The following LANCL3 variants were observed in gnomAD, a reference collection of about 807,000 sequenced individuals.
LANCL3 encodes LanC like family member 3.
A neutral mutation model predicts 26.5 loss-of-function variants in LANCL3; 19 were observed. That is an observed-to-expected ratio of 0.72 (90% confidence interval 0.50 to 1.05). The LOEUF (loss-of-function observed/expected upper bound fraction) is 1.05. LANCL3 is among the 50% of genes least tolerant of loss of function. LANCL3 has a pLI of 0.00. For missense variants in LANCL3, 318 were observed against 362.7 expected, an observed-to-expected ratio of 0.88 and a Z score of 1.00; for synonymous variants, 160 against 166.6, an observed-to-expected ratio of 0.96 and a Z score of 0.30.
intron 1 of LANCL3, among the ~76,000 whole-genome samples, chrX:37,653,851 G>C (rs1454559043): frequency 9.1e-6 from 1 of 109,992 alleles, no homozygotes; most frequent in Non-Finnish European, 1.9e-5. Context: ...ACACTTAAGA[G>C]ACAGAGAGAG....
intron 4 of LANCL3, among the ~76,000 whole-genome samples, chrX:37,667,917 T>G (rs1556434616): frequency 9.1e-6 from 1 of 110,460 alleles, no homozygotes; most frequent in Non-Finnish European, 1.9e-5. Flanking sequence ...AGGCTCTTTT[T>G]AACAGTCATC....
chrX:37,583,090 T>C (rs1319099682), intron 1 of LANCL3, among the ~76,000 whole-genome samples: 7 of 112,189 alleles, frequency 6.2e-5, no homozygotes, highest in Non-Finnish European at 1.3e-4. Context: ...TCCCCATTTC[T>C]TGTTTTTGTC....
At chrX:37,657,869 G>T (rs1556431502) in intron 2 of LANCL3, among the ~76,000 whole-genome samples, 1 of 111,442 alleles carries the variant, frequency 9.0e-6, no homozygotes, top group East Asian at 2.8e-4. Flanking sequence ...AGGGAGTCAA[G>T]AGTTCTGAGT....
chrX:37,631,215 C>G (rs1422000061), intron 1 of LANCL3, among the ~76,000 whole-genome samples: 2 of 111,861 alleles, frequency 1.8e-5, no homozygotes, highest in Non-Finnish European at 3.8e-5. Flanking sequence ...TCCATTTCTT[C>G]TAGATTTTCT....
At chrX:37,658,904 C>A (rs1461344229) in intron 2 of LANCL3, among the ~76,000 whole-genome samples, 1 of 112,540 alleles carries the variant, frequency 8.9e-6, no homozygotes, top group Admixed American at 9.4e-5. Context: ...GTGCAGTGAT[C>A]TATCCTCTGT....
chrX:37,631,251 A>T (rs1324091826), intron 1 of LANCL3, among the ~76,000 whole-genome samples: 1 of 111,727 alleles, frequency 9.0e-6, no homozygotes, highest in Non-Finnish European at 1.9e-5. Context: ...AGGTGTTTAT[A>T]GTATTCTCTG....
At chrX:37,673,123 T>C (rs913812246) in intron 4 of LANCL3, among the ~76,000 whole-genome samples, 6 of 111,687 alleles carry the variant, frequency 5.4e-5, no homozygotes, top group African/African-American at 1.9e-4. Context: ...TTTCAAATAT[T>C]TGACATAGAG....
Position 37,572,327 on chromosome X carries a change from C to A in LANCL3, c.457C>A (p.Leu153Met). Residue 153 changes from leucine to methionine, a missense_variant, in exon 1 of 5, where the codon CTG (leucine) becomes ATG (methionine). Transcript: ENST00000378619. Reference protein sequence around the residue: ...YVQPLGKFRALCAVCAPVSFL... With the variant: ...YVQPLGKFRAMCAVCAPVSFL... ...GCAGCCGCTGGGCAAGTTCCGGGCT[C>A]TGTGTGCCGTCTGCGCGCCGGTCTC... 1 of 1,163,831 alleles carries A rather than the reference C, an allele frequency of 8.6e-7. No individual in the cohort carries two copies. The highest frequency in any genetic ancestry group is 1.1e-6 in the Non-Finnish European group (1 of 872,101).
intron 1 of LANCL3, among the ~76,000 whole-genome samples, chrX:37,623,361 CATT>C (rs1925221275): frequency 9.0e-6 from 1 of 111,172 alleles, no homozygotes; most frequent in Admixed American, 9.5e-5. Context: ...ATAATGTAGA[CATT>C]ATCTTTGCTG....
At chrX:37,588,663 T>C (rs781930531) in intron 1 of LANCL3, among the ~76,000 whole-genome samples, 1 of 111,832 alleles carries the variant, frequency 8.9e-6, no homozygotes, top group South Asian at 3.7e-4. Context: ...TTGTGTAAGA[T>C]CAGATTTTCT....
chrX:37,590,653 G>A (rs781822244), intron 1 of LANCL3, among the ~76,000 whole-genome samples: 142 of 111,839 alleles, frequency 1.3e-3, no homozygotes, highest in African/African-American at 4.2e-3. Context: ...ATCCCTAATC[G>A]GGGCTGGGGG....
intron 1 of LANCL3, among the ~76,000 whole-genome samples, chrX:37,616,987 T>C (rs1032308425): frequency 4.5e-5 from 5 of 111,720 alleles, no homozygotes; most frequent in Admixed American, 2.9e-4. Context: ...AGATCACTTC[T>C]ATCAGAGGAA....
intron 1 of LANCL3, among the ~76,000 whole-genome samples, chrX:37,604,477 T>G (rs1924652802): frequency 8.9e-6 from 1 of 112,071 alleles, no homozygotes; most frequent in African/African-American, 3.2e-5. Context: ...TTAGGTTTTG[T>G]TTTATTATTA....
At chrX:37,608,279 T>C (rs1428525456) in intron 1 of LANCL3, among the ~76,000 whole-genome samples, 8 of 112,050 alleles carry the variant, frequency 7.1e-5, no homozygotes, top group African/African-American at 2.6e-4. Flanking sequence ...AGGCAGTGGT[T>C]CTCACAATGC....
At chrX:37,644,149 C>G (rs1371023411) in intron 1 of LANCL3, among the ~76,000 whole-genome samples, 1 of 111,112 alleles carries the variant, frequency 9.0e-6, no homozygotes, top group Non-Finnish European at 1.9e-5. Flanking sequence ...GAGCTTGGAA[C>G]CTAGAGGCAC....
chrX:37,652,908 C>A (rs1377503444), intron 1 of LANCL3, among the ~76,000 whole-genome samples: 1 of 111,609 alleles, frequency 9.0e-6, no homozygotes, highest in Admixed American at 9.5e-5. Flanking sequence ...ACTGTTTGTT[C>A]GGGGGCGAAA....
intron 1 of LANCL3, among the ~76,000 whole-genome samples, chrX:37,586,009 C>T (rs1924066427): frequency 1.8e-5 from 2 of 111,236 alleles, no homozygotes; most frequent in African/African-American, 6.5e-5. Flanking sequence ...CAAAATCTCT[C>T]AGCATTTGCT....
At chrX:37,614,745 CAT>C (rs1360695886) in intron 1 of LANCL3, among the ~76,000 whole-genome samples, 4 of 112,155 alleles carry the variant, frequency 3.6e-5, no homozygotes, top group African/African-American at 6.5e-5. Flanking sequence ...TTTTTAAAAA[CAT>C]GTGTACCACA....
intron 1 of LANCL3, among the ~76,000 whole-genome samples, chrX:37,651,982 A>G (rs141479531): frequency 0.031 from 3,265 of 106,050 alleles, 58 homozygotes; most frequent in Non-Finnish European, 0.046. Context: ...GCATGGACCC[A>G]TTCCTGACCT....
Sources: gnomAD v4.1 joint callset for allele counts (sites outside exome capture counted in the v4.1 genomes callset) on GRCh38, gnomAD v4.1.1 for gene constraint, MANE v1.5 for transcripts, NCBI Gene and HGNC (gene_info 2026-07-23, HGNC 2026-07-21) for gene names.